Variants in COL6A5 observed in about 807,000 individuals in gnomAD.
COL6A5 encodes the protein collagen alpha-5(VI) chain.
COL6A5 carries 48 observed loss-of-function variants against 65.6 expected under a neutral mutation model. The observed-to-expected ratio is 0.73, with a 90% CI of 0.58 to 0.93. The LOEUF (loss-of-function observed/expected upper bound fraction) is 0.93. COL6A5 is among the 40% of genes least tolerant of loss of function. COL6A5 has a pLI of 0.00. For synonymous variants in COL6A5, 291 were observed against 322.8 expected, an observed-to-expected ratio of 0.90 and a Z score of 1.05; for missense variants, 914 against 928.3, an observed-to-expected ratio of 0.98 and a Z score of 0.20.
chr3:130,433,143 T>C (rs1311225074), intron 1 of COL6A5, among the ~76,000 whole-genome samples: 1 of 151,982 alleles, frequency 6.6e-6, no homozygotes, highest in Non-Finnish European at 1.5e-5. Flanking sequence ...CCACAGAGAG[T>C]TACAACAGAT....
chr3:130,459,470 C>T (rs1472824318), intron 5 of COL6A5, among the ~76,000 whole-genome samples: 1 of 152,060 alleles, frequency 6.6e-6, no homozygotes, highest in South Asian at 2.1e-4. Context: ...TATATTGCAA[C>T]GTCTGGAGAC....
chr3:130,410,396 GT>G, intron 19 of COL6A5, 74 bp from the exon 20 acceptor site: 1 of 1,079,548 alleles, frequency 9.3e-7, no homozygotes, highest in Non-Finnish European at 1.4e-6. Context: ...AGTGCTTGAG[GT>G]TTTGATGCTG....
intron 7 of COL6A5, among the ~76,000 whole-genome samples, chr3:130,472,996 A>G (rs1263227413): frequency 6.6e-6 from 1 of 150,478 alleles, no homozygotes; most frequent in African/African-American, 2.4e-5. Context: ...AAATGATGGA[A>G]AATAAGAGAA....
exon 5 of COL6A5, chr3:130,385,016 T>G: frequency 6.4e-7 from 1 of 1,550,882 alleles, no homozygotes; most frequent in South Asian, 1.2e-5. Flanking sequence ...TGATATTGAC[T>G]TAAGAAAGGC....
At chr3:130,427,044 A>G (rs1937619020), upstream of COL6A5, among the ~76,000 whole-genome samples, 1 of 152,364 alleles carries the variant, frequency 6.6e-6, no homozygotes, top group South Asian at 2.1e-4. Context: ...TTATACATTT[A>G]GACTGTTTAC....
At chr3:130,355,161 G>T (rs923229104) in intron 1 of COL6A5, among the ~76,000 whole-genome samples, 2 of 151,856 alleles carry the variant, frequency 1.3e-5, no homozygotes, top group African/African-American at 4.8e-5. Flanking sequence ...ATGGCAAAAA[G>T]AAGAATCAAA....
exon 4 of COL6A5, chr3:130,379,549 G>A (rs1935913923): frequency 1.3e-6 from 2 of 1,551,414 alleles, no homozygotes; most frequent in Non-Finnish European, 8.7e-7. Flanking sequence ...CTCCATGGAT[G>A]TGAAGGAAAA....
exon 13 of COL6A5, chr3:130,403,646 G>C: frequency 6.4e-7 from 1 of 1,551,056 alleles, no homozygotes; most frequent in Non-Finnish European, 8.7e-7. Context: ...GGACACAGGG[G>C]AGAGGATGGA....
Position 130,398,377 on chromosome 3 carries a change from G to A in COL6A5, c.3991+266G>A, listed in dbSNP as rs138374369. On this transcript the variant is annotated intron_variant and NMD_transcript_variant, in intron 10 of 41. Coordinates refer to the COL6A5 transcript ENST00000312481. ...GATCTCCTGACCTCGTGATTCACCC[G>A]ACTTGGCCTCCCAAAGTGCTGGGAT... 7.4e-4 allele frequency among the ~76,000 whole-genome samples: 113 copies of A among 152,226 alleles called. No homozygotes were observed. In the East Asian group the frequency reaches 0.011, roughly 15 times the overall value.
chr3:130,470,873 G>A, exon 7 of COL6A5: 1 of 1,610,044 alleles, frequency 6.2e-7, no homozygotes, highest in Non-Finnish European at 8.5e-7. Context: ...CTCTCCAGGT[G>A]CCATCAACAA....
chr3:130,481,731 C>T (rs912610400), intron 7 of COL6A5, among the ~76,000 whole-genome samples: 27 of 152,188 alleles, frequency 1.8e-4, no homozygotes, highest in Non-Finnish European at 3.1e-4. Context: ...TTTTAATGAT[C>T]ACCAATCTAA....
chr3:130,348,892 T>A (rs897437024), intron 1 of COL6A5, among the ~76,000 whole-genome samples: 5 of 151,616 alleles, frequency 3.3e-5, no homozygotes, highest in Admixed American at 6.6e-5. Context: ...AGCTTTTTTT[T>A]ATGTTTTTGG....
intron 1 of COL6A5, among the ~76,000 whole-genome samples, chr3:130,438,917 CA>C (rs1218558545): frequency 6.6e-6 from 1 of 152,090 alleles, no homozygotes; most frequent in Non-Finnish European, 1.5e-5. Flanking sequence ...AGAAATCAGA[CA>C]GTGTACCACC....
chr3:130,428,649 T>A (rs1233922158), upstream of COL6A5, among the ~76,000 whole-genome samples: 1 of 152,206 alleles, frequency 6.6e-6, no homozygotes, highest in Admixed American at 6.5e-5. Context: ...CTTGCAGCTA[T>A]GTTTGAAGTT....
At chr3:130,372,176 G>A (rs1442749692) in intron 1 of COL6A5, among the ~76,000 whole-genome samples, 1 of 152,044 alleles carries the variant, frequency 6.6e-6, no homozygotes, top group Non-Finnish European at 1.5e-5. Context: ...AGTGTTGATG[G>A]CAATGTGGAG....
chr3:130,474,603 A>G (rs1710042013), intron 7 of COL6A5, among the ~76,000 whole-genome samples: 6 of 152,104 alleles, frequency 3.9e-5, no homozygotes, highest in Admixed American at 3.9e-4. Flanking sequence ...AGAGAAATAG[A>G]AATCACAAAA....
At chr3:130,361,140 AT>A (rs1204022470) in intron 1 of COL6A5, among the ~76,000 whole-genome samples, 2 of 152,082 alleles carry the variant, frequency 1.3e-5, no homozygotes, top group Non-Finnish European at 2.9e-5. Flanking sequence ...ACTCTTGGGA[AT>A]GTACATTTGG....
intron 1 of COL6A5, among the ~76,000 whole-genome samples, chr3:130,436,929 C>T (rs146617033): frequency 8.5e-5 from 13 of 152,252 alleles, no homozygotes; most frequent in African/African-American, 2.9e-4. Context: ...CAGACTGCAT[C>T]CTTGAACTCT....
At chr3:130,379,917 A>G (rs1313746653) in exon 4 of COL6A5, 6 of 1,551,272 alleles carry the variant, frequency 3.9e-6, no homozygotes, top group Admixed American at 2.0e-5. Flanking sequence ...CTTATCCTCC[A>G]GAACAGACAA....
Sources: gnomAD v4.1 joint callset for allele counts (sites outside exome capture counted in the v4.1 genomes callset) on GRCh38, gnomAD v4.1.1 for gene constraint, MANE v1.5 for transcripts, NCBI Gene and HGNC (gene_info 2026-07-23, HGNC 2026-07-21) for gene names.